ARMH3: variants seen among roughly 807,000 people sequenced by gnomAD.
ARMH3 encodes the protein armadillo like helical domain containing 3.
Under a neutral mutation model 99.1 loss-of-function variants are expected in ARMH3, and 60 were observed. The observed-to-expected ratio is 0.61, with a 90% CI of 0.49 to 0.75. ARMH3 has a LOEUF of 0.75. ARMH3 is among the 30% of genes least tolerant of loss of function. ARMH3 has a pLI of 0.00. For synonymous variants in ARMH3, 285 were observed against 292.8 expected (o/e 0.97, Z 0.27); for missense variants, 679 against 843.1 (o/e 0.81, Z 2.41).
chr10:101,893,806 A>T (rs752671331), intron 23 of ARMH3, among the ~76,000 whole-genome samples: 5 of 151,994 alleles, frequency 3.3e-5, no homozygotes, highest in Non-Finnish European at 7.4e-5. Flanking sequence ...CAAAATGTAC[A>T]CTTGTTTCCT....
chr10:101,947,334 A>G lies in ARMH3; in HGVS notation c.1706-7396T>C, dbSNP rs1397010242. 2.6e-5 allele frequency among the ~76,000 whole-genome samples: 4 copies of G among 152,034 alleles called. No individual in the cohort carries two copies. The East Asian group carries it at 7.7e-4, about 29-fold the overall frequency. On this transcript the variant is annotated intron_variant, in intron 22 of 25. Coordinates refer to ENST00000370033, the MANE Select transcript of ARMH3 (RefSeq NM_024541.3). Reference sequence around the variant, plus strand: ...AAAGTACTTAAAGATAAAAATTACCAACTAAAAATTCTATATCCAGCTGGG... The same window carrying G: ...AAAGTACTTAAAGATAAAAATTACCGACTAAAAATTCTATATCCAGCTGGG...
chr10:102,038,081 A>G (rs1590221380), intron 2 of ARMH3, among the ~76,000 whole-genome samples: 1 of 151,430 alleles, frequency 6.6e-6, no homozygotes, highest in East Asian at 1.9e-4. Flanking sequence ...CGTAAAAAAG[A>G]AAGAATCCTT....
intron 24 of ARMH3, among the ~76,000 whole-genome samples, chr10:101,851,764 G>C (rs761840087): frequency 6.6e-6 from 1 of 152,194 alleles, no homozygotes; most frequent in Non-Finnish European, 1.5e-5. Flanking sequence ...AGGGCAAAGG[G>C]CTGGCCCAGC....
chr10:102,010,672 T>C (rs2066610627), intron 11 of ARMH3, among the ~76,000 whole-genome samples: 2 of 152,212 alleles, frequency 1.3e-5, no homozygotes, highest in Non-Finnish European at 2.9e-5. Context: ...TCCTTAATTA[T>C]GCTTGAAACT....
At chr10:101,921,708 T>C (rs1488393804) in intron 23 of ARMH3, among the ~76,000 whole-genome samples, 2 of 152,196 alleles carry the variant, frequency 1.3e-5, no homozygotes, top group Non-Finnish European at 1.5e-5. Context: ...GAGGTCATTA[T>C]GTTAAGTGAA....
chr10:101,989,933 A>C (rs956309953), intron 19 of ARMH3, among the ~76,000 whole-genome samples: 4 of 152,198 alleles, frequency 2.6e-5, no homozygotes, highest in African/African-American at 9.7e-5. Flanking sequence ...GAGACAACTA[A>C]GTGGTCTGCT....
At chr10:101,995,899 T>C (rs1190154104) in intron 15 of ARMH3, among the ~76,000 whole-genome samples, 1 of 152,242 alleles carries the variant, frequency 6.6e-6, no homozygotes, top group African/African-American at 2.4e-5. Context: ...TCATTTTTCT[T>C]CCTGTCAAAG....
intron 23 of ARMH3, among the ~76,000 whole-genome samples, chr10:101,898,477 T>C (rs560501996): frequency 2.0e-4 from 30 of 152,318 alleles, no homozygotes; most frequent in African/African-American, 7.0e-4. Context: ...CTACGAGTCT[T>C]TAATGAAACA....
At chr10:101,937,885 G>C (rs754969567) in intron 23 of ARMH3, among the ~76,000 whole-genome samples, 2 of 152,154 alleles carry the variant, frequency 1.3e-5, no homozygotes, top group African/African-American at 2.4e-5. Flanking sequence ...TTTTGAGACA[G>C]GGTCTCACTG....
chr10:101,895,677 A>G (rs938156061), intron 23 of ARMH3, among the ~76,000 whole-genome samples: 5 of 152,222 alleles, frequency 3.3e-5, no homozygotes, highest in African/African-American at 1.2e-4. Flanking sequence ...AAAAAGAAAA[A>G]GTGGATCAAT....
intron 1 of ARMH3, among the ~76,000 whole-genome samples, chr10:102,045,504 G>C (rs940990512): frequency 6.6e-6 from 1 of 152,162 alleles, no homozygotes. Flanking sequence ...AAAATTGTTC[G>C]AGATGGAATG....
chr10:101,925,174 A>G (rs1843461234), intron 23 of ARMH3, among the ~76,000 whole-genome samples: 1 of 152,208 alleles, frequency 6.6e-6, no homozygotes, highest in Non-Finnish European at 1.5e-5. Flanking sequence ...TGAACCAACA[A>G]TGTGATTCAG....
chr10:101,995,245 A>T, intron 16 of ARMH3, 52 bp downstream of exon 16: 1 of 1,492,270 alleles, frequency 6.7e-7, no homozygotes, highest in Non-Finnish European at 9.3e-7. Context: ...AGGCAGGGAA[A>T]GATAGCACTT....
chr10:102,026,174 A>G (rs2066997550), intron 5 of ARMH3, among the ~76,000 whole-genome samples: 1 of 152,166 alleles, frequency 6.6e-6, no homozygotes, highest in Admixed American at 6.6e-5. Flanking sequence ...ATACTACAAT[A>G]AAGAGAAGAT....
intron 1 of ARMH3, among the ~76,000 whole-genome samples, chr10:102,048,480 G>C (rs1237384695): frequency 6.6e-6 from 1 of 152,204 alleles, no homozygotes; most frequent in Non-Finnish European, 1.5e-5. Flanking sequence ...AGGCTGGAGT[G>C]CAATGGCACG....
chr10:101,944,311 GAGAGA>G (rs1844412949), intron 22 of ARMH3, among the ~76,000 whole-genome samples: 1 of 126,734 alleles, frequency 7.9e-6, no homozygotes, highest in Admixed American at 7.9e-5. Context: ...GAGAGAGAGA[GAGAGA>G]GAGAGAGAGA....
intron 25 of ARMH3, among the ~76,000 whole-genome samples, chr10:101,848,651 C>A (rs1219973359): frequency 6.6e-6 from 1 of 152,158 alleles, no homozygotes; most frequent in Admixed American, 6.5e-5. Context: ...TAGCTCCAAA[C>A]TGGACCAGAC....
chr10:101,939,521 T>C (rs1283738343), intron 23 of ARMH3, among the ~76,000 whole-genome samples: 2 of 152,210 alleles, frequency 1.3e-5, no homozygotes, highest in African/African-American at 4.8e-5. Context: ...CATGAATCAT[T>C]CACTGAAGTC....
chr10:101,862,717 A>AT (rs1564698001), intron 24 of ARMH3, among the ~76,000 whole-genome samples: 2 of 152,132 alleles, frequency 1.3e-5, no homozygotes, highest in African/African-American at 4.8e-5. Context: ...TAAAAAAAAA[A>AT]CCCTCAGTAA....
Sources: gnomAD v4.1 joint callset for allele counts (sites outside exome capture counted in the v4.1 genomes callset) on GRCh38, gnomAD v4.1.1 for gene constraint, MANE v1.5 for transcripts, NCBI Gene and HGNC (gene_info 2026-07-23, HGNC 2026-07-21) for gene names.